The following TBL1X variants were observed in gnomAD, a reference collection of about 807,000 sequenced individuals.
TBL1X encodes the protein transducin beta like 1 X-linked, also known as F-box-like/WD repeat-containing protein TBL1X.
A neutral mutation model predicts 50.7 loss-of-function variants in TBL1X; 10 were observed. The ratio of observed to expected loss-of-function variants is 0.20; its 90% confidence interval spans 0.12 to 0.33. TBL1X has a LOEUF of 0.33. Among genes scored for constraint, TBL1X ranks in the 10% least tolerant of loss-of-function variants. The pLI is 1.00. For missense variants in TBL1X, 340 were observed against 504.4 expected (o/e 0.67, Z 3.12); for synonymous variants, 190 against 214.7 (o/e 0.88, Z 1.01).
At chrX:9,710,933 GCTGT>G (rs2083242688) in intron 15 of TBL1X, among the ~76,000 whole-genome samples, 1 of 111,887 alleles carries the variant, frequency 8.9e-6, no homozygotes, top group Non-Finnish European at 1.9e-5. Context: ...TCCAAATATG[GCTGT>G]CTGTATTAAT....
chrX:9,624,628 A>G (rs2082683139), intron 2 of TBL1X, among the ~76,000 whole-genome samples: 1 of 111,943 alleles, frequency 8.9e-6, no homozygotes. Context: ...GAAATGGGGC[A>G]TCGTGTTTTC....
chrX:9,700,173 T>A (rs916651350), intron 12 of TBL1X, among the ~76,000 whole-genome samples: 6 of 112,034 alleles, frequency 5.4e-5, no homozygotes, highest in Non-Finnish European at 9.4e-5. Flanking sequence ...CACGTTTGGC[T>A]TAAGTGCCAA....
chrX:9,468,186 G>C (rs1475951839), intron 1 of TBL1X, among the ~76,000 whole-genome samples: 5 of 112,210 alleles, frequency 4.5e-5, no homozygotes, highest in African/African-American at 1.6e-4. Flanking sequence ...TGTCCGATGG[G>C]ATCAGAGAGA....
At chrX:9,492,870 T>G (rs867994456) in intron 1 of TBL1X, among the ~76,000 whole-genome samples, 10 of 52,844 alleles carry the variant, frequency 1.9e-4, no homozygotes, top group Non-Finnish European at 2.8e-4. Flanking sequence ...TGTGTGTGTG[T>G]GTGTGTGTGT....
chrX:9,485,293 A>G (rs984112068), intron 1 of TBL1X, among the ~76,000 whole-genome samples: 1 of 112,270 alleles, frequency 8.9e-6, no homozygotes, highest in African/African-American at 3.2e-5. Context: ...AAATTATGAT[A>G]GTTAATCGTT....
chrX:9,653,001 C>T (rs2082844801), intron 3 of TBL1X, among the ~76,000 whole-genome samples: 1 of 110,792 alleles, frequency 9.0e-6, no homozygotes, highest in African/African-American at 3.3e-5. Context: ...CCCGTCTCTA[C>T]AAAAAATACA....
intron 2 of TBL1X, among the ~76,000 whole-genome samples, chrX:9,510,994 C>T (rs753955966): frequency 7.1e-5 from 8 of 112,011 alleles, no homozygotes; most frequent in Non-Finnish European, 1.5e-4. Context: ...GGCACTGTTT[C>T]TCTGGACAGC....
chrX:9,716,401 C>A lies in TBL1X; in HGVS notation c.*155C>A. The A allele has an allele frequency of 1.9e-6, 1 of 527,787 alleles. No homozygotes were observed. The highest frequency in any genetic ancestry group is 2.9e-6 in the Non-Finnish European group (1 of 340,229). 43.5% of individuals were successfully genotyped at this position (527,787 alleles called of 1,213,427 possible). ...CTGGCCGCAGGAGTCTATATGTTTTCGTAATCTTCATCAAGAAGTTTTTAA... is the reference window on the plus strand; with the variant it reads ...CTGGCCGCAGGAGTCTATATGTTTTAGTAATCTTCATCAAGAAGTTTTTAA... On this transcript the variant is annotated 3_prime_UTR_variant, in exon 18 of 18. Coordinates refer to ENST00000645353, the MANE Select transcript of TBL1X (RefSeq NM_005647.4).
At chrX:9,495,378 A>C (rs1386950972) in intron 1 of TBL1X, among the ~76,000 whole-genome samples, 1 of 110,830 alleles carries the variant, frequency 9.0e-6, no homozygotes, top group African/African-American at 3.3e-5. Context: ...AAAATGCAGC[A>C]AGATGGGTTT....
chrX:9,556,189 CA>C (rs1285002463), intron 2 of TBL1X, among the ~76,000 whole-genome samples: 2,366 of 86,672 alleles, frequency 0.027, 60 homozygotes, highest in African/African-American at 0.086. Context: ...TGTGTCTAAA[CA>C]AAAAAAAAAC....
rs1468341742 is a variant in TBL1X at position 9,716,546 on chromosome X, G to A, written c.*300G>A. ...GAGGCGTGTGGATTGGTTTCCACCC[G>A]GAACAGGCTCTGTGATGGCTGAATG... On this transcript the variant is annotated 3_prime_UTR_variant, in exon 18 of 18. Coordinates refer to ENST00000645353, the MANE Select transcript of TBL1X (RefSeq NM_005647.4). The A allele has an allele frequency of 1.9e-5, 4 of 210,607 alleles. No individual in the cohort carries two copies. Among genetic ancestry groups the A allele is most frequent in the Non-Finnish European group, 2.6e-5 (3 of 117,581 alleles). The allele number at this position is 210,607 out of a possible 1,213,427, so 17.4% of individuals were successfully genotyped here. A position where few individuals can be genotyped will look rare whatever the true frequency, so the allele number is the denominator to read the frequency against.
chrX:9,499,800 A>G (rs1364693762), intron 1 of TBL1X, among the ~76,000 whole-genome samples: 1 of 110,314 alleles, frequency 9.1e-6, no homozygotes, highest in African/African-American at 3.3e-5. Flanking sequence ...ACATGGTGAA[A>G]CCCTGTCTCT....
rs566362848 is a variant in TBL1X, at chrX:9,693,811, C to G, written c.1053+392C>G. The stretch of plus-strand genomic sequence containing the variant: ...TGTGTGTTCTTCAGGCTTCGGCTTT[C>G]CTCATTTGATAAACTGCTGCTTCCC... On this transcript the variant is annotated intron_variant, in intron 11 of 17. Transcript: ENST00000645353. Among the ~76,000 whole-genome samples, 5 of 111,466 alleles carry G rather than the reference C, an allele frequency of 4.5e-5. No homozygotes were observed. In the South Asian group the frequency reaches 1.9e-3, roughly 43 times the overall value.
chrX:9,477,717 A>G (rs764561199), intron 1 of TBL1X, among the ~76,000 whole-genome samples: 191 of 111,896 alleles, frequency 1.7e-3, no homozygotes, highest in Non-Finnish European at 3.3e-3. Context: ...TTTGAGGTGT[A>G]CCATTCAGGG....
chrX:9,707,668 C>T (rs1389378025), intron 13 of TBL1X, among the ~76,000 whole-genome samples: 1 of 112,693 alleles, frequency 8.9e-6, no homozygotes, highest in African/African-American at 3.2e-5. Flanking sequence ...CATTCCTGGG[C>T]CCATGAGTTT....
chrX:9,491,332 ATATATATTTTT>A (rs1400724168), intron 1 of TBL1X, among the ~76,000 whole-genome samples: 35 of 23,182 alleles, frequency 1.5e-3, no homozygotes, highest in African/African-American at 6.2e-3. Flanking sequence ...ATATATATAT[ATATATATTTTT>A]TTTTTTTTTT....
intron 16 of TBL1X, among the ~76,000 whole-genome samples, chrX:9,712,261 G>A (rs1265759418): frequency 5.3e-5 from 6 of 112,614 alleles, no homozygotes; most frequent in African/African-American, 1.6e-4. Context: ...ACCAGGGAGT[G>A]GGAAGGAATG....
intron 1 of TBL1X, among the ~76,000 whole-genome samples, chrX:9,493,940 AAT>A (rs2081959536): frequency 9.0e-6 from 1 of 111,581 alleles, no homozygotes; most frequent in Admixed American, 9.5e-5. Flanking sequence ...GTCCCAGGAA[AAT>A]ATAGGAATTG....
intron 1 of TBL1X, among the ~76,000 whole-genome samples, chrX:9,496,403 A>G (rs755413357): frequency 8.9e-6 from 1 of 112,316 alleles, no homozygotes; most frequent in African/African-American, 3.2e-5. Flanking sequence ...TGGATTTGCA[A>G]CTCTGTCTTT....
Sources: gnomAD v4.1 joint callset for allele counts (sites outside exome capture counted in the v4.1 genomes callset) on GRCh38, gnomAD v4.1.1 for gene constraint, MANE v1.5 for transcripts, NCBI Gene and HGNC (gene_info 2026-07-23, HGNC 2026-07-21) for gene names.